The following FERRY3 variants were observed in gnomAD, a reference collection of about 807,000 sequenced individuals.
The protein encoded by FERRY3 is protein C12orf4.
At chr12:4,529,795 A>T in the FERRY3 span, 1 of 1,266,378 alleles carries the variant, frequency 7.9e-7, no homozygotes, top group Admixed American at 2.6e-5. Flanking sequence ...TAAAAAATAA[A>T]AACAAGTTGT....
At chr12:4,490,820 TTTCTC>T in the FERRY3 span, among the ~76,000 whole-genome samples, 1 of 152,188 alleles carries the variant, frequency 6.6e-6, no homozygotes, top group Admixed American at 6.6e-5. Flanking sequence ...TTATTTATGA[TTTCTC>T]AAATCAAATT....
At chr12:4,517,684 A>AAT in the FERRY3 span, among the ~76,000 whole-genome samples, 15,322 of 140,374 alleles carry the variant, frequency 0.11, 879 homozygotes, top group East Asian at 0.25. Flanking sequence ...AGGTTATTAA[A>AAT]ATATATATAT....
At chr12:4,494,530 G>A in the FERRY3 span, among the ~76,000 whole-genome samples, 1 of 152,142 alleles carries the variant, frequency 6.6e-6, no homozygotes, top group African/African-American at 2.4e-5. Context: ...TAAGGGTTAC[G>A]ATTGTCTTTT....
At chr12:4,502,917 T>C in the FERRY3 span, among the ~76,000 whole-genome samples, 1 of 151,984 alleles carries the variant, frequency 6.6e-6, no homozygotes, top group South Asian at 2.1e-4. The surrounding 1 kb of genome is among the most constrained non-coding windows in gnomAD (Gnocchi z 4.2). Flanking sequence ...AGAAAATTCG[T>C]GAGGAATAGT....
At chr12:4,509,822 A>G in the FERRY3 span, among the ~76,000 whole-genome samples, 1 of 137,604 alleles carries the variant, frequency 7.3e-6, no homozygotes, top group Admixed American at 6.8e-5. Flanking sequence ...AAAACTGGAA[A>G]CTCTAAAACG....
chr12:4,529,354 T>C, the FERRY3 span, among the ~76,000 whole-genome samples: 1 of 152,152 alleles, frequency 6.6e-6, no homozygotes, highest in Non-Finnish European at 1.5e-5. Flanking sequence ...GAAAGAGCCA[T>C]GGTCATAGTT....
chr12:4,517,955 G>C, the FERRY3 span: 1,390 of 964,840 alleles, frequency 1.4e-3, 19 homozygotes, highest in African/African-American at 0.02. Context: ...TGGATGTCAA[G>C]GTGATTAAAA....
chr12:4,532,057 C>T, the FERRY3 span, among the ~76,000 whole-genome samples: 1 of 151,880 alleles, frequency 6.6e-6, no homozygotes, highest in African/African-American at 2.4e-5. Context: ...GCTTTGAATG[C>T]CGCCCAACAC....
the FERRY3 span, among the ~76,000 whole-genome samples, chr12:4,516,020 GA>G: frequency 2.0e-5 from 3 of 151,806 alleles, no homozygotes; most frequent in Admixed American, 6.6e-5. Flanking sequence ...GATAAATATA[GA>G]AAAAGCAGTC....
the FERRY3 span, among the ~76,000 whole-genome samples, chr12:4,516,355 G>A: frequency 6.6e-6 from 1 of 152,140 alleles, no homozygotes; most frequent in African/African-American, 2.4e-5. Flanking sequence ...CCAAGCTTCT[G>A]AAGATCTGGG....
the FERRY3 span, among the ~76,000 whole-genome samples, chr12:4,523,182 T>C: frequency 2.6e-5 from 4 of 152,232 alleles, no homozygotes; most frequent in African/African-American, 7.2e-5. Context: ...GTTCCATATA[T>C]AGTTGTGTTG....
At chr12:4,521,989 C>T in the FERRY3 span, among the ~76,000 whole-genome samples, 3 of 152,310 alleles carry the variant, frequency 2.0e-5, no homozygotes, top group South Asian at 6.2e-4. Flanking sequence ...ATAGCAGATA[C>T]ACGTCCTATA....
the FERRY3 span, among the ~76,000 whole-genome samples, chr12:4,499,810 AG>A: frequency 2.6e-5 from 4 of 152,240 alleles, no homozygotes; most frequent in East Asian, 5.8e-4. Context: ...GGGTAAGAAG[AG>A]GGGGTAGGGG....
the FERRY3 span, among the ~76,000 whole-genome samples, chr12:4,523,767 C>T: frequency 6.6e-6 from 1 of 152,130 alleles, no homozygotes; most frequent in Non-Finnish European, 1.5e-5. Flanking sequence ...AATGAGAACA[C>T]TTGGACACAG....
the FERRY3 span, among the ~76,000 whole-genome samples, chr12:4,537,261 C>T: frequency 6.6e-6 from 1 of 152,190 alleles, no homozygotes; most frequent in African/African-American, 2.4e-5. Context: ...TTCTTCAGGT[C>T]TCAGTTAAGC....
chr12:4,500,323 G>A, the FERRY3 span: 40 of 1,613,458 alleles, frequency 2.5e-5, no homozygotes, highest in Middle Eastern at 1.6e-4. Flanking sequence ...TTAGAATGCC[G>A]TGTAATATAA....
the FERRY3 span, among the ~76,000 whole-genome samples, chr12:4,523,663 T>C: frequency 9.2e-5 from 14 of 152,126 alleles, no homozygotes; most frequent in Admixed American, 8.5e-4. Flanking sequence ...TTTGTAGGGA[T>C]ATGGATGAAG....
At chr12:4,508,285 C>T in the FERRY3 span, among the ~76,000 whole-genome samples, 2 of 152,058 alleles carry the variant, frequency 1.3e-5, no homozygotes, top group Admixed American at 6.5e-5. Flanking sequence ...ATATATGCAC[C>T]TAAAATACTA....
the FERRY3 span, chr12:4,489,943 T>G: frequency 7.9e-7 from 1 of 1,268,874 alleles, no homozygotes; most frequent in Non-Finnish European, 1.1e-6. Flanking sequence ...AAATCATCAT[T>G]GATTTTAAAA....
Sources: allele counts gnomAD v4.1 joint callset (sites outside exome capture counted in the v4.1 genomes callset), GRCh38; gene constraint gnomAD v4.1.1; non-coding constraint Gnocchi (gnomAD v3.1); transcripts MANE v1.5; gene names NCBI Gene and HGNC (gene_info 2026-07-23, HGNC 2026-07-21).